DNAH9: variants seen among roughly 807,000 people sequenced by gnomAD.
DNAH9 encodes the protein DNAH9 variant protein.
Under a neutral mutation model 471.6 loss-of-function variants are expected in DNAH9, and 345 were observed. The ratio of observed to expected loss-of-function variants is 0.73; its 90% confidence interval spans 0.67 to 0.80. The LOEUF is 0.80. DNAH9 is among the 30% of genes least tolerant of loss of function. The pLI, the probability that DNAH9 is intolerant of heterozygous loss-of-function variation, is 0.00. For missense variants in DNAH9, 5,407 were observed against 5,609.2 expected (o/e 0.96, Z 1.15); for synonymous variants, 2,093 against 2,123.6 (o/e 0.99, Z 0.40).
intron 17 of DNAH9, among the ~76,000 whole-genome samples, chr17:11,672,064 T>G (rs1280059534): frequency 6.6e-6 from 1 of 152,206 alleles, no homozygotes; most frequent in Non-Finnish European, 1.5e-5. Context: ...AATAAAAAAA[T>G]TATTATTGTC....
In DNAH9 at chr17:11,850,657, A is replaced by AG. The variant is rs556676333; in HGVS notation, c.9508-3346_9508-3345insG. On this transcript the variant is annotated intron_variant, in intron 49 of 68. Transcript: ENST00000262442. Reference sequence around the variant, plus strand: ...CAGTGTGAGACTCCATGTCAAAAAAAAAAAAAAAAAGTTTCTTCCAGCCTT... The same window carrying AG: ...CAGTGTGAGACTCCATGTCAAAAAAAGAAAAAAAAAAGTTTCTTCCAGCCTT... Among the ~76,000 whole-genome samples, 33 of 151,750 alleles carry AG rather than the reference A, an allele frequency of 2.2e-4. 1 individual carries two copies. The South Asian group carries it at 6.9e-3, about 32-fold the overall frequency.
Position 11,822,552 on chromosome 17 carries a change from T to C in DNAH9, c.8965T>C (p.Leu2989=), listed in dbSNP as rs769802857. ...GTTCCACGAGTGGCCTCAGCAAGCA[T>C]TGGAGTCTGTCAGCCTCCGCTTCTT... is the stretch of plus-strand genomic sequence containing the variant. ...HWFHEWPQQA[L]ESVSLRFLQN... Residue 2989 remains leucine (L), a synonymous_variant, in exon 47 of 69, where the codon TTG becomes CTG. Transcript: ENST00000262442. 7.7e-5 allele frequency: 124 copies of C among 1,614,068 alleles called. 1 individual carries two copies. Among genetic ancestry groups the C allele is most frequent in the South Asian group, 5.2e-4 (47 of 91,086 alleles).
chr17:11,841,396 G>A (rs1262408628), intron 49 of DNAH9, among the ~76,000 whole-genome samples: 1 of 152,182 alleles, frequency 6.6e-6, no homozygotes, highest in Non-Finnish European at 1.5e-5. Flanking sequence ...ATTTTTTAAA[G>A]CGTGTGGGTA....
At chr17:11,631,838 C>A (rs1305548704) in intron 7 of DNAH9, among the ~76,000 whole-genome samples, 1 of 151,634 alleles carries the variant, frequency 6.6e-6, no homozygotes, top group African/African-American at 2.4e-5. Flanking sequence ...TTCACACACA[C>A]ATGCGTTACT....
At chr17:11,883,860 C>A in intron 56 of DNAH9, 110 bp downstream of exon 56, 1 of 1,227,120 alleles carries the variant, frequency 8.1e-7, no homozygotes, top group Non-Finnish European at 1.1e-6. Context: ...CAAAGTAACA[C>A]ATGGCTTTTC....
At chr17:11,819,133 A>G (rs1970216224) in intron 45 of DNAH9, among the ~76,000 whole-genome samples, 1 of 152,098 alleles carries the variant, frequency 6.6e-6, no homozygotes, top group African/African-American at 2.4e-5. Flanking sequence ...AGTGACAGCC[A>G]AGCAATAATC....
At chr17:11,856,896 T>C (rs1358829718) in intron 50 of DNAH9, among the ~76,000 whole-genome samples, 1 of 152,080 alleles carries the variant, frequency 6.6e-6, no homozygotes, top group African/African-American at 2.4e-5. Flanking sequence ...TTTTTATTTT[T>C]AGAGAAGGGG....
intron 19 of DNAH9, among the ~76,000 whole-genome samples, chr17:11,687,242 A>G (rs896564727): frequency 6.6e-6 from 1 of 152,194 alleles, no homozygotes; most frequent in African/African-American, 2.4e-5. Context: ...TAAGATGTAA[A>G]TCTACAACCA....
intron 48 of DNAH9, among the ~76,000 whole-genome samples, chr17:11,830,310 G>A (rs537948088): frequency 2.6e-5 from 4 of 152,188 alleles, no homozygotes; most frequent in Non-Finnish European, 5.9e-5. Context: ...TAACTCAGGT[G>A]TAGTCATGAG....
Position 11,664,892 on chromosome 17 carries a change from C to CT in DNAH9, c.2656dup (p.Ser886PhefsTer3). On this transcript the variant is annotated frameshift_variant, in exon 15 of 69. Coordinates refer to ENST00000262442, the MANE Select transcript of DNAH9 (RefSeq NM_001372.4). LOFTEE classifies it high-confidence loss of function. ...CCAATATCTGGAAGACTTATGTTAA[C>CT]TCTATTGACAATTTGTTGCTGAATG... 1 of 1,612,026 alleles carries CT rather than the reference C, an allele frequency of 6.2e-7. No individual in the cohort carries two copies. Among genetic ancestry groups the CT allele is most frequent in the South Asian group, 1.1e-5 (1 of 91,018 alleles).
At chr17:11,827,164 C>G (rs149995680) in intron 48 of DNAH9, among the ~76,000 whole-genome samples, 13 of 152,242 alleles carry the variant, frequency 8.5e-5, no homozygotes, top group African/African-American at 2.9e-4. Context: ...ACACTTCTTA[C>G]CTGGATGATT....
In DNAH9 at chr17:11,881,420, A is replaced by G; in HGVS notation, c.10806+7A>G. ...AGACTTGGAGCAGCTGAAGGTGAGG[A>G]CAGAAGGGAGAAAATGTTCTGCCAC... On this transcript the variant is annotated splice_region_variant and intron_variant, in intron 55 of 68. Transcript: ENST00000262442. The G allele has an allele frequency of 6.2e-7, 1 of 1,606,490 alleles. No individual in the cohort carries two copies. Among genetic ancestry groups the G allele is most frequent in the Non-Finnish European group, 8.5e-7 (1 of 1,175,960 alleles).
At chr17:11,695,176 C>T (rs1172770206) in intron 22 of DNAH9, among the ~76,000 whole-genome samples, 2 of 151,816 alleles carry the variant, frequency 1.3e-5, no homozygotes, top group Non-Finnish European at 2.9e-5. Flanking sequence ...CTGTGAGCCA[C>T]TGCACCCGGC....
At chr17:11,952,278 T>A in intron 67 of DNAH9, among the ~76,000 whole-genome samples, 1 of 148,606 alleles carries the variant, frequency 6.7e-6, no homozygotes, top group East Asian at 2.0e-4. Flanking sequence ...TAGCTGGGAT[T>A]ACAGGCATGC....
At chr17:11,717,778 A>G (rs2074990432) in intron 26 of DNAH9, among the ~76,000 whole-genome samples, 1 of 152,132 alleles carries the variant, frequency 6.6e-6, no homozygotes, top group South Asian at 2.1e-4. Context: ...CCTTTTTGCA[A>G]TAATTTCCTT....
chr17:11,959,082 T>A lies in DNAH9; in HGVS notation c.12844-2785T>A, dbSNP rs1005316185. ...GCGTTTGACAAAATTGAACACCAAA[T>A]CTTCATTTTAAAATATCAAAAAAAA... On this transcript the variant is annotated intron_variant, in intron 67 of 68. Transcript: ENST00000262442. Among the ~76,000 whole-genome samples, 8 of 115,148 alleles carry A rather than the reference T, an allele frequency of 6.9e-5. 1 individual carries two copies. Among genetic ancestry groups the A allele is most frequent in the Non-Finnish European group, 1.8e-5 (1 of 55,134 alleles). The allele number at this position is 115,148 out of a possible 152,430, so 75.5% of individuals were successfully genotyped here. A position where few individuals can be genotyped will look rare whatever the true frequency, so the allele number is the denominator to read the frequency against.
At chr17:11,832,785 T>C (rs1970720390) in intron 48 of DNAH9, among the ~76,000 whole-genome samples, 1 of 152,250 alleles carries the variant, frequency 6.6e-6, no homozygotes, top group South Asian at 2.1e-4. Flanking sequence ...CCTTTGGTTG[T>C]TGCGTGAAAT....
chr17:11,690,953 TC>T (rs1351511434), intron 20 of DNAH9, among the ~76,000 whole-genome samples: 1 of 152,186 alleles, frequency 6.6e-6, no homozygotes, highest in Non-Finnish European at 1.5e-5. Context: ...ATTATTACCT[TC>T]CCTGTGTTTG....
At chr17:11,859,078 C>T (rs1009225057) in intron 50 of DNAH9, among the ~76,000 whole-genome samples, 1 of 119,510 alleles carries the variant, frequency 8.4e-6, no homozygotes, top group African/African-American at 3.5e-5. Flanking sequence ...GAGGGAAACC[C>T]CGTCTCAAAA....
Sources: allele counts gnomAD v4.1 joint callset (sites outside exome capture counted in the v4.1 genomes callset), GRCh38; gene constraint gnomAD v4.1.1; transcripts MANE v1.5; gene names NCBI Gene and HGNC (gene_info 2026-07-23, HGNC 2026-07-21).